TFB1M: variants seen among roughly 807,000 people sequenced by gnomAD.
TFB1M encodes the protein dimethyladenosine transferase 1, mitochondrial.
TFB1M carries 27 observed loss-of-function variants against 31.1 expected under a neutral mutation model. That is an observed-to-expected ratio of 0.87 (90% CI 0.64 to 1.20). TFB1M has a LOEUF of 1.20. Ranked by LOEUF, TFB1M falls within the 50% of genes most tolerant of loss-of-function variation. TFB1M has a pLI of 0.00. For missense variants in TFB1M, 394 were observed against 418.7 expected (o/e 0.94, Z 0.51); for synonymous variants, 166 against 151.8 (o/e 1.09, Z -0.69).
intron 2 of TFB1M, among the ~76,000 whole-genome samples, chr6:155,304,699 C>CA (rs1338514285): frequency 6.7e-6 from 1 of 150,202 alleles, no homozygotes; most frequent in Non-Finnish European, 1.5e-5. Flanking sequence ...TTTTGCAATG[C>CA]AAAAAGTTTG....
chr6:155,265,926 T>C (rs1784615401), intron 5 of TFB1M, among the ~76,000 whole-genome samples: 1 of 151,798 alleles, frequency 6.6e-6, no homozygotes, highest in Non-Finnish European at 1.5e-5. Context: ...TGTTTGAGGA[T>C]AGGAAGCATC....
intron 5 of TFB1M, among the ~76,000 whole-genome samples, chr6:155,280,562 CAATA>C (rs1785449702): frequency 6.6e-6 from 1 of 152,122 alleles, no homozygotes; most frequent in East Asian, 1.9e-4. Context: ...GGGCCCTTGT[CAATA>C]CATCACCTTT....
chr6:155,259,577 T>C (rs1028942257), intron 6 of TFB1M, among the ~76,000 whole-genome samples: 1 of 152,256 alleles, frequency 6.6e-6, no homozygotes, highest in Non-Finnish European at 1.5e-5. Context: ...GAGAAATATG[T>C]GCCTCTCACG....
At chr6:155,238,750 C>T in the TFB1M span, among the ~76,000 whole-genome samples, 2 of 152,216 alleles carry the variant, frequency 1.3e-5, no homozygotes, top group African/African-American at 4.8e-5. Flanking sequence ...CCACAGAAGT[C>T]TTTGTTGATT....
At position 155,275,871 on chromosome 6, in the gene TFB1M, G is replaced by A. The variant is rs116971953; in HGVS notation, c.666+9287C>T. On this transcript the variant is annotated intron_variant, in intron 5 of 6. Coordinates refer to ENST00000367166, the MANE Select transcript of TFB1M (RefSeq NM_016020.4). ...GCCATTGTACAGCTGCACGGGCTCTGGATGGACTGTACGTGGTACAGCACT... is the reference window on the plus strand; with the variant it reads ...GCCATTGTACAGCTGCACGGGCTCTAGATGGACTGTACGTGGTACAGCACT... 2,432 of 1,614,132 alleles carry A rather than the reference G, an allele frequency of 1.5e-3. 32 individuals are homozygous for A. The highest frequency in any genetic ancestry group is 1.4e-3 in the East Asian group (61 of 44,864).
chr6:155,290,564 T>C (rs906898494), intron 4 of TFB1M, among the ~76,000 whole-genome samples: 18 of 152,010 alleles, frequency 1.2e-4, no homozygotes, highest in South Asian at 4.2e-4. Flanking sequence ...CATGCTAAAA[T>C]TGAACTAAAA....
At chr6:155,288,958 CTAGT>C (rs1175891921) in intron 4 of TFB1M, among the ~76,000 whole-genome samples, 22 of 152,254 alleles carry the variant, frequency 1.4e-4, no homozygotes, top group African/African-American at 5.1e-4. Context: ...GGAAACCAAA[CTAGT>C]TAATTTTTCT....
intron 5 of TFB1M, among the ~76,000 whole-genome samples, chr6:155,274,265 G>T (rs1158549241): frequency 2.0e-5 from 3 of 152,186 alleles, no homozygotes; most frequent in Non-Finnish European, 4.4e-5. Context: ...CAGTATTTCA[G>T]AAACCATTAC....
At chr6:155,240,819 G>C in the TFB1M span, 23 of 1,148,414 alleles carry the variant, frequency 2.0e-5, no homozygotes, top group East Asian at 7.4e-5. Context: ...CACTCCCCAG[G>C]GGGGGACACC....
rs200747800 is a variant in TFB1M at position 155,311,236 on chromosome 6, A to G, written c.237T>C (p.Ala79=). 15 of 1,614,164 alleles carry G rather than the reference A, an allele frequency of 9.3e-6. No homozygotes were observed. In the East Asian group the frequency reaches 2.9e-4, roughly 31 times the overall value. Reference sequence around the variant, plus strand: ...TGTCCTTTTCAACCACCAGAAGTTCAGCGACGTCGGCATTAAGAATAGATC... The same window carrying G: ...TGTCCTTTTCAACCACCAGAAGTTCGGCGACGTCGGCATTAAGAATAGATC... ...ITRSILNADV[A]ELLVVEKDTR... is the part of the protein sequence containing the mutation. The change falls in exon 2 of 7, where the codon GCT becomes GCC. Residue 79 remains alanine, a synonymous_variant. Transcript: ENST00000367166.
At chr6:155,298,698 G>T in intron 2 of TFB1M, 113 bp from the exon 3 acceptor site, 1 of 727,070 alleles carries the variant, frequency 1.4e-6, no homozygotes, top group Non-Finnish European at 2.4e-6. Flanking sequence ...GAGACCAGGG[G>T]TGATCATTAA....
intron 4 of TFB1M, among the ~76,000 whole-genome samples, chr6:155,286,523 A>ATGTATATATATACATGTGTATATATG (rs1776645670): frequency 7.0e-6 from 1 of 142,258 alleles, no homozygotes; most frequent in Non-Finnish European, 1.5e-5. Flanking sequence ...GTGTATATAT[A>ATGTATATATATACATGTGTATATATG]TGTATATATA....
At chr6:155,295,773 C>T (rs1166148879) in intron 4 of TFB1M, among the ~76,000 whole-genome samples, 1 of 152,164 alleles carries the variant, frequency 6.6e-6, no homozygotes, top group Non-Finnish European at 1.5e-5. Context: ...TTTCCCTTAT[C>T]ATTATTCCTC....
In TFB1M at chr6:155,314,457, C is replaced by T. The variant is rs201007688; in HGVS notation, c.-29G>A. On this transcript the variant is annotated 5_prime_UTR_variant, in exon 1 of 7. Transcript: ENST00000367166. ...ACGCGGCAAGCACCATCCAACCCTA[C>T]CTCACCCAGGACCTTCACCGCCGCT... 1.2e-6 allele frequency: 2 copies of T among 1,613,752 alleles called. No homozygotes were observed. The highest frequency in any genetic ancestry group is 1.7e-6 in the Non-Finnish European group (2 of 1,179,936).
chr6:155,298,709 T>C, intron 2 of TFB1M, 124 bp from the exon 3 acceptor site: 1 of 693,532 alleles, frequency 1.4e-6, no homozygotes, highest in Non-Finnish European at 2.6e-6. Flanking sequence ...TGATCATTAA[T>C]GAACAAATAC....
chr6:155,254,210 G>A, downstream of TFB1M: 1 of 983,994 alleles, frequency 1.0e-6, no homozygotes, highest in Admixed American at 2.8e-5. Context: ...CCGCTAGTAG[G>A]AGACTATGTT....
At chr6:155,250,564 G>A in the TFB1M span, 1 of 1,535,940 alleles carries the variant, frequency 6.5e-7, no homozygotes, top group Non-Finnish European at 8.7e-7. Flanking sequence ...CAGAGGTGAT[G>A]GATGTACTAG....
chr6:155,291,271 G>T (rs142755600), intron 4 of TFB1M, among the ~76,000 whole-genome samples: 1 of 152,262 alleles, frequency 6.6e-6, no homozygotes, highest in Non-Finnish European at 1.5e-5. Context: ...TCGGAGAATT[G>T]GAGATTGCTT....
downstream of TFB1M, chr6:155,252,953 G>A (rs545488093): frequency 9.9e-6 from 16 of 1,613,966 alleles, no homozygotes; most frequent in Admixed American, 1.7e-5. Flanking sequence ...TACAGCCCTC[G>A]AATTCCCGGC....
Sources: gnomAD v4.1 joint callset for allele counts (sites outside exome capture counted in the v4.1 genomes callset) on GRCh38, gnomAD v4.1.1 for gene constraint, MANE v1.5 for transcripts, NCBI Gene and HGNC (gene_info 2026-07-23, HGNC 2026-07-21) for gene names.